ZFAND5: variants seen among roughly 807,000 people sequenced by gnomAD.
The protein encoded by ZFAND5 is AN1-type zinc finger protein 5.
ZFAND5 carries 4 observed loss-of-function variants against 23.6 expected under a neutral mutation model. That is an observed-to-expected ratio of 0.17 (90% CI 0.08 to 0.39). The LOEUF is 0.39. Among genes scored for constraint, ZFAND5 ranks in the 10% least tolerant of loss-of-function variants. The pLI is 1.00. For synonymous variants in ZFAND5, 68 were observed against 80.6 expected (o/e 0.84, Z 0.84); for missense variants, 161 against 253.7 (o/e 0.63, Z 2.48).
At chr9:72,356,887 T>TA (rs1841958712) in intron 6 of ZFAND5, 44 bp downstream of exon 6, 1 of 1,606,268 alleles carries the variant, frequency 6.2e-7, no homozygotes, top group South Asian at 1.1e-5. Flanking sequence ...AGCTCCTTGT[T>TA]AACTGCAGAA....
chr9:72,362,219 T>A lies in ZFAND5; in HGVS notation c.-10+1251A>T, dbSNP rs147533625. ...TAACTGGAATTTAGCTGACTCATTT[T>A]GGAGCAGGGTAGTGTAAACATTTCA... On this transcript the variant is annotated intron_variant, in intron 2 of 6. Transcript: ENST00000376962. 2.0e-5 allele frequency among the ~76,000 whole-genome samples: 3 copies of A among 152,370 alleles called. No homozygotes were observed. In the South Asian group the frequency reaches 6.2e-4, roughly 32 times the overall value.
chr9:72,360,984 A>G (rs1842079647), intron 2 of ZFAND5, among the ~76,000 whole-genome samples, 197 bp from the exon 3 acceptor site: 1 of 152,156 alleles, frequency 6.6e-6, no homozygotes, highest in Admixed American at 6.5e-5. Flanking sequence ...GACCAAAAAA[A>G]AACCCAAAAA....
chr9:72,358,538 CCAAA>C (rs1407360155), intron 5 of ZFAND5, among the ~76,000 whole-genome samples: 1 of 151,808 alleles, frequency 6.6e-6, no homozygotes, highest in African/African-American at 2.4e-5. Flanking sequence ...AAACAAAAAC[CCAAA>C]CAAAGGCATC....
At chr9:72,359,645 T>C (rs925759716) in intron 4 of ZFAND5, 124 bp from the exon 5 acceptor site, 1 of 921,386 alleles carries the variant, frequency 1.1e-6, no homozygotes, top group African/African-American at 1.7e-5. Context: ...AGCTAGATAA[T>C]CTAAAGTTTA....
chr9:72,358,961 C>G (rs1842018591), intron 5 of ZFAND5, among the ~76,000 whole-genome samples: 1 of 102,314 alleles, frequency 9.8e-6, no homozygotes, highest in African/African-American at 3.7e-5. Flanking sequence ...TGCCTTTCCA[C>G]ACTGAGTTTC....
At chr9:72,357,847 T>A (rs1279311174) in intron 5 of ZFAND5, among the ~76,000 whole-genome samples, 3 of 152,138 alleles carry the variant, frequency 2.0e-5, no homozygotes, top group African/African-American at 7.2e-5. Context: ...AGTTTCAGTG[T>A]ACACATGGCA....
In ZFAND5 at chr9:72,355,996, T is replaced by C; in HGVS notation, c.599A>G (p.Lys200Arg). Residue 200 changes from lysine to arginine, a missense_variant, in exon 7 of 7, where the codon AAA becomes AGA. Lys to Arg is a conservative substitution (Grantham distance 26). This residue lies in a region of ZFAND5 where 24 missense variants were observed against 80.0 expected (regional missense o/e 0.30). Coordinates refer to ENST00000376962, the MANE Select transcript of ZFAND5 (RefSeq NM_001102420.3). ...YKAEAAAKIR[K>R]ENPVVVAEKI... The stretch of plus-strand genomic sequence containing the variant: ...TTCAGCCACAACAACTGGATTCTCT[T>C]TTCTGATTTTTGCTGCAGCTTCTGC... 2 of 1,613,086 alleles carry C rather than the reference T, an allele frequency of 1.2e-6. No homozygotes were observed. The highest frequency in any genetic ancestry group is 2.2e-5 in the East Asian group (1 of 44,862).
Position 72,357,022 on chromosome 9 carries a change from G to T in ZFAND5, c.402C>A (p.Pro134=). The T allele has an allele frequency of 6.2e-7, 1 of 1,613,654 alleles. No individual in the cohort carries two copies. Among genetic ancestry groups the T allele is most frequent in the Non-Finnish European group, 8.5e-7 (1 of 1,179,718 alleles). The change falls in exon 6 of 7, where the codon CCC becomes CCA. Residue 134 remains proline, a synonymous_variant. Coordinates refer to ENST00000376962, the MANE Select transcript of ZFAND5 (RefSeq NM_001102420.3). Reference sequence around the variant, plus strand: ...CTTTTTCTTCACTCTGAGAAGTACTGGGCTGAGAAACTGATGGACTGGGCT... The same window carrying T: ...CTTTTTCTTCACTCTGAGAAGTACTTGGCTGAGAAACTGATGGACTGGGCT... ...VTQPSPSVSQ[P]STSQSEEKAP... is the part of the protein sequence containing the mutation.
chr9:72,360,515 G>C, intron 3 of ZFAND5, 113 bp downstream of exon 3: 3 of 1,402,576 alleles, frequency 2.1e-6, no homozygotes, highest in Non-Finnish European at 2.9e-6. Flanking sequence ...TGAATTTCAA[G>C]CTCTTATCAG....
At chr9:72,363,639 G>A (rs1842165269) in intron 1 of ZFAND5, 33 bp from the exon 2 acceptor site, 14 of 983,784 alleles carry the variant, frequency 1.4e-5, no homozygotes, top group Non-Finnish European at 1.7e-5. Flanking sequence ...CAACTACAAA[G>A]AATCCTTAAT....
At position 72,355,986 on chromosome 9, in the gene ZFAND5, T is replaced by G. The variant is rs1185339890; in HGVS notation, c.609A>C (p.Pro203=). ...TCTGAATTTTTTCAGCCACAACAAC[T>G]GGATTCTCTTTTCTGATTTTTGCTG... ...EAAAKIRKEN[P]VVVAEKIQRI is the part of the protein sequence containing the mutation. Residue 203 remains proline (P), a synonymous_variant, in exon 7 of 7, where the codon CCA becomes CCC. Coordinates refer to ENST00000376962, the MANE Select transcript of ZFAND5 (RefSeq NM_001102420.3). 1 of 1,611,934 alleles carries G rather than the reference T, an allele frequency of 6.2e-7. No homozygotes were observed. Among genetic ancestry groups the G allele is most frequent in the Admixed American group, 1.7e-5 (1 of 59,256 alleles).
At chr9:72,360,529 T>C (rs1842069005) in intron 3 of ZFAND5, 99 bp downstream of exon 3, 1 of 1,513,276 alleles carries the variant, frequency 6.6e-7, no homozygotes, top group Non-Finnish European at 9.1e-7. Flanking sequence ...TTATCAGGTG[T>C]TCTCTCCATG....
At chr9:72,356,331 A>G (rs112742816) in intron 6 of ZFAND5, among the ~76,000 whole-genome samples, 1 of 152,354 alleles carries the variant, frequency 6.6e-6, no homozygotes, top group African/African-American at 2.4e-5. Flanking sequence ...AGAAATTCAA[A>G]TAACTATGTT....
At chr9:72,357,680 C>T (rs892445736) in intron 5 of ZFAND5, among the ~76,000 whole-genome samples, 31 of 152,060 alleles carry the variant, frequency 2.0e-4, no homozygotes, top group African/African-American at 6.3e-4. Context: ...AAAAACAGAT[C>T]GGCAAACAGT....
At chr9:72,363,781 T>G in intron 1 of ZFAND5, 175 bp from the exon 2 acceptor site, 1 of 408,598 alleles carries the variant, frequency 2.4e-6, no homozygotes, top group Non-Finnish European at 3.3e-6. Flanking sequence ...ATACATTCGT[T>G]TATGTTTTTA....
intron 5 of ZFAND5, among the ~76,000 whole-genome samples, chr9:72,357,460 A>G (rs1841975969): frequency 6.6e-6 from 1 of 152,180 alleles, no homozygotes; most frequent in African/African-American, 2.4e-5. Flanking sequence ...ATTACATCAC[A>G]GTAAATAACA....
chr9:72,360,348 T>C (rs1244896685), intron 3 of ZFAND5, 127 bp from the exon 4 acceptor site: 3 of 885,002 alleles, frequency 3.4e-6, no homozygotes, highest in African/African-American at 3.4e-5. Flanking sequence ...GCTGTAATCC[T>C]ATACTTGAGT....
At position 72,363,549 on chromosome 9, in the gene ZFAND5, T is replaced by C; in HGVS notation, c.-89A>G. 1 of 876,902 alleles carries C rather than the reference T, an allele frequency of 1.1e-6. No homozygotes were observed. Among genetic ancestry groups the C allele is most frequent in the Middle Eastern group, 5.9e-4 (1 of 1,702 alleles). The allele number at this position is 876,902 out of a possible 1,614,324, so 54.3% of individuals were successfully genotyped here. ...TGGGCAAGTCCTTACTTTCCAGATT[T>C]CAGTTCCCTCTTTGCCAAATGGAGT... is the stretch of plus-strand genomic sequence containing the variant. On this transcript the variant is annotated 5_prime_UTR_variant, in exon 2 of 7. Transcript: ENST00000376962.
At chr9:72,359,360 C>G (rs1268844864) in intron 5 of ZFAND5, 58 bp downstream of exon 5, 1 of 1,544,070 alleles carries the variant, frequency 6.5e-7, no homozygotes, top group African/African-American at 1.4e-5. Context: ...ATCCCCCCAC[C>G]AGCCATTTCT....
Sources: allele counts gnomAD v4.1 joint callset (sites outside exome capture counted in the v4.1 genomes callset), GRCh38; gene constraint gnomAD v4.1.1; regional missense constraint gnomAD v4.1.1; transcripts MANE v1.5; gene names NCBI Gene and HGNC (gene_info 2026-07-23, HGNC 2026-07-21).